The following NELL2 variants were observed in gnomAD, a reference collection of about 807,000 sequenced individuals.
NELL2 encodes the protein protein kinase C-binding protein NELL2.
In NELL2, 41 loss-of-function variants were observed where a neutral mutation model predicts 109.6. The observed-to-expected ratio is 0.37, with a 90% confidence interval of 0.29 to 0.49. NELL2 has a LOEUF of 0.49. NELL2 is among the 20% of genes least tolerant of loss of function. The probability of loss-of-function intolerance (pLI) is 0.98; values close to 1 mark genes in which losing one functional copy is unlikely to be tolerated. For missense variants in NELL2, 900 were observed against 1,008.3 expected, an observed-to-expected ratio of 0.89 and a Z score of 1.45; for synonymous variants, 355 against 344.7, an observed-to-expected ratio of 1.03 and a Z score of -0.33.
chr12:44,599,085 C>T (rs550478999), intron 15 of NELL2, among the ~76,000 whole-genome samples: 18 of 152,196 alleles, frequency 1.2e-4, no homozygotes, highest in African/African-American at 4.1e-4. Context: ...GCAAATTATG[C>T]ATTGTAATAC....
chr12:44,551,163 C>T (rs1943032219), intron 15 of NELL2, among the ~76,000 whole-genome samples: 2 of 152,192 alleles, frequency 1.3e-5, no homozygotes, highest in Non-Finnish European at 1.5e-5. Flanking sequence ...TTATATACAG[C>T]CTTTTGTCTA....
At position 44,613,809 on chromosome 12, in the gene NELL2, T is replaced by C. The variant is rs1428261431; in HGVS notation, c.1445-2839A>G. On this transcript the variant is annotated intron_variant, in intron 13 of 19. Coordinates refer to ENST00000429094, the MANE Select transcript of NELL2 (RefSeq NM_001145108.2). ...AAAGTCATCTCAATAAATAGATAATTATTAGTGCTCCATTTCCAGTTTTGG... is the reference window on the plus strand; with the variant it reads ...AAAGTCATCTCAATAAATAGATAATCATTAGTGCTCCATTTCCAGTTTTGG... Among the ~76,000 whole-genome samples the C allele has an allele frequency of 2.6e-5, 4 of 152,026 alleles. No individual in the cohort carries two copies. The East Asian group carries it at 7.7e-4, about 29-fold the overall frequency.
intron 2 of NELL2, among the ~76,000 whole-genome samples, chr12:44,830,090 T>C (rs1380405143): frequency 1.3e-5 from 2 of 152,208 alleles, no homozygotes; most frequent in Non-Finnish European, 2.9e-5. Flanking sequence ...AGGTAAGATT[T>C]CTATTATATA....
chr12:44,548,996 A>G (rs1189495538), intron 15 of NELL2, among the ~76,000 whole-genome samples: 4 of 152,204 alleles, frequency 2.6e-5, no homozygotes, highest in Non-Finnish European at 5.9e-5. Context: ...TCCCATGACC[A>G]GAGATCAAAA....
intron 9 of NELL2, among the ~76,000 whole-genome samples, chr12:44,761,516 C>G (rs1941124997): frequency 6.6e-6 from 1 of 152,154 alleles, no homozygotes; most frequent in African/African-American, 2.4e-5. Flanking sequence ...ACCCAGCAAT[C>G]TCACTATATG....
At chr12:44,533,597 T>TA (rs1387599675) in intron 15 of NELL2, among the ~76,000 whole-genome samples, 3 of 152,130 alleles carry the variant, frequency 2.0e-5, no homozygotes, top group African/African-American at 7.2e-5. Context: ...CTATGGATCT[T>TA]AAGTCTCAGA....
In NELL2 at chr12:44,920,187, T is replaced by C. The variant is rs574255188; in HGVS notation, c.-32+1603A>G. Among the ~76,000 whole-genome samples, 3 of 152,148 alleles carry C rather than the reference T, an allele frequency of 2.0e-5. No individual in the cohort carries two copies. In the East Asian group the frequency reaches 5.8e-4, roughly 29 times the overall value. ...GAAATATAGAAATAAAGTAGAAGAA[T>C]AAACGGGGTCAAGAAATGAGAGCAC... On this transcript the variant is annotated intron_variant, in intron 1 of 9. Transcript: ENST00000552993.
intron 12 of NELL2, among the ~76,000 whole-genome samples, chr12:44,687,147 G>A (rs113262601): frequency 8.5e-5 from 13 of 152,304 alleles, no homozygotes; most frequent in African/African-American, 2.2e-4. Flanking sequence ...CGCAGTATTC[G>A]GGTGGGAGTG....
intron 15 of NELL2, among the ~76,000 whole-genome samples, chr12:44,599,654 A>G (rs1255136191): frequency 6.6e-6 from 1 of 152,168 alleles, no homozygotes; most frequent in African/African-American, 2.4e-5. Flanking sequence ...AAGAAGCAAT[A>G]TCCGAAGGGA....
At chr12:44,802,611 T>C (rs948877287) in intron 3 of NELL2, among the ~76,000 whole-genome samples, 1 of 152,040 alleles carries the variant, frequency 6.6e-6, no homozygotes, top group Admixed American at 6.6e-5. Context: ...CCTAATTACA[T>C]TTCAGTAAGA....
At chr12:44,751,859 G>T (rs1457903971) in intron 9 of NELL2, among the ~76,000 whole-genome samples, 1 of 151,980 alleles carries the variant, frequency 6.6e-6, no homozygotes. Context: ...TAAGCCAGGG[G>T]TGTCCAATAT....
chr12:44,648,725 ATATATATTTTTTTTT>A (rs2136312528), intron 13 of NELL2, among the ~76,000 whole-genome samples: 1 of 104,630 alleles, frequency 9.6e-6, no homozygotes, highest in African/African-American at 5.3e-5. Context: ...ATATATATAT[ATATATATTTTTTTTT>A]TTTTTTTTTT....
In NELL2 at chr12:44,799,106, G is replaced by A. The variant is rs1009191195; in HGVS notation, c.335+16880C>T. Among the ~76,000 whole-genome samples, 8 of 151,514 alleles carry A rather than the reference G, an allele frequency of 5.3e-5. 1 individual carries two copies. The East Asian group carries it at 5.8e-4, about 11-fold the overall frequency. On this transcript the variant is annotated intron_variant, in intron 3 of 19. Transcript: ENST00000429094. ...CCCGAGTAGCTAGGACTACAGATGCGTGCCACCATGCCTGGCTAATTTTTT... is the reference window on the plus strand; with the variant it reads ...CCCGAGTAGCTAGGACTACAGATGCATGCCACCATGCCTGGCTAATTTTTT...
intron 9 of NELL2, among the ~76,000 whole-genome samples, chr12:44,742,079 C>A (rs1272789576): frequency 1.3e-5 from 2 of 152,170 alleles, no homozygotes; most frequent in African/African-American, 4.8e-5. Context: ...TGGACTGACA[C>A]CTCACACAGC....
chr12:44,622,463 T>A (rs1043417887), intron 13 of NELL2, among the ~76,000 whole-genome samples: 55 of 152,152 alleles, frequency 3.6e-4, no homozygotes, highest in Non-Finnish European at 1.5e-4. Flanking sequence ...ATTCATTTTT[T>A]AAAAACTTTA....
intron 1 of NELL2, among the ~76,000 whole-genome samples, chr12:44,910,972 G>A (rs1245476954): frequency 1.3e-5 from 2 of 151,850 alleles, no homozygotes; most frequent in African/African-American, 4.8e-5. Context: ...ACATAAAGAT[G>A]GCAATAATAG....
At chr12:44,584,286 C>A (rs1944422001) in intron 15 of NELL2, among the ~76,000 whole-genome samples, 1 of 152,246 alleles carries the variant, frequency 6.6e-6, no homozygotes, top group African/African-American at 2.4e-5. Context: ...CAGCTATTCA[C>A]AGATGACTGG....
intron 3 of NELL2, among the ~76,000 whole-genome samples, chr12:44,780,558 G>GA (rs1450317610): frequency 6.6e-6 from 1 of 151,836 alleles, no homozygotes; most frequent in Non-Finnish European, 1.5e-5. Context: ...TTAGAGCCAA[G>GA]AATTTTAACC....
At chr12:44,733,917 A>G (rs1939504102) in intron 9 of NELL2, among the ~76,000 whole-genome samples, 2 of 152,020 alleles carry the variant, frequency 1.3e-5, no homozygotes, top group African/African-American at 4.8e-5. Context: ...AATGAGCTTT[A>G]TGGCACAGCA....
Sources: gnomAD v4.1 joint callset for allele counts (sites outside exome capture counted in the v4.1 genomes callset) on GRCh38, gnomAD v4.1.1 for gene constraint, MANE v1.5 for transcripts, NCBI Gene and HGNC (gene_info 2026-07-23, HGNC 2026-07-21) for gene names.